MGAM2: variants seen among roughly 807,000 people sequenced by gnomAD.
MGAM2 encodes the protein probable maltase-glucoamylase 2.
A neutral mutation model predicts 96.1 loss-of-function variants in MGAM2; 98 were observed. The ratio of observed to expected loss-of-function variants is 1.02; its 90% CI spans 0.87 to 1.21. MGAM2 has a LOEUF of 1.21. Ranked by LOEUF, MGAM2 falls within the 50% of genes most tolerant of loss-of-function variation. The pLI is 0.00. For synonymous variants in MGAM2, 749 were observed against 414.8 expected, an observed-to-expected ratio of 1.81 and a Z score of -9.79; for missense variants, 2,055 against 1,182.4, an observed-to-expected ratio of 1.74 and a Z score of -10.82.
At chr7:142,182,241 G>C (rs1023016390) in intron 32 of MGAM2, among the ~76,000 whole-genome samples, 3 of 152,136 alleles carry the variant, frequency 2.0e-5, no homozygotes, top group Non-Finnish European at 2.9e-5. Context: ...CTGGCCTTAG[G>C]GTCCAGCACT....
At chr7:142,139,299 T>G (rs2129079936) in intron 10 of MGAM2, among the ~76,000 whole-genome samples, 1 of 152,306 alleles carries the variant, frequency 6.6e-6, no homozygotes, top group Non-Finnish European at 1.5e-5. Context: ...GCATAACATG[T>G]GGCTAATGAA....
chr7:142,186,098 G>T lies in MGAM2; in HGVS notation c.4097G>T (p.Ser1366Ile), dbSNP rs1279568041. The T allele has an allele frequency of 2.8e-6, 2 of 705,816 alleles. No homozygotes were observed. The highest frequency in any genetic ancestry group is 1.7e-5 in the African/African-American group (1 of 57,170). The allele number at this position is 705,816 out of a possible 1,614,324, so 43.7% of individuals were successfully genotyped here. Reference sequence around the variant, plus strand: ...GCAAACCCTCGAGAGCCAGAGAAGAGCTTGAAGTTTGATGGATTGTGGATT... The same window carrying T: ...GCAAACCCTCGAGAGCCAGAGAAGATCTTGAAGTTTGATGGATTGTGGATT... ...LYANPREPEKSLKFDGLWIDM... is the reference protein window; with the variant it reads ...LYANPREPEKILKFDGLWIDM... Residue 1366 changes from serine to isoleucine, a missense_variant, in exon 35 of 48, where the codon AGC becomes ATC. Coordinates refer to ENST00000477922, the MANE Select transcript of MGAM2 (RefSeq NM_001293626.2).
chr7:142,141,094 G>A lies in MGAM2; in HGVS notation c.1292G>A (p.Gly431Glu), dbSNP rs1224376936. The A allele has an allele frequency of 1.5e-6, 1 of 670,310 alleles. No homozygotes were observed. The highest frequency in any genetic ancestry group is 1.5e-5 in the South Asian group (1 of 64,906). The allele number at this position is 670,310 out of a possible 1,614,324, so 41.5% of individuals were successfully genotyped here. A position where few individuals can be genotyped will look rare whatever the true frequency, so the allele number is the denominator to read the frequency against. ...AGCCTAAAGAGAGTGTGGATCTTGG[G>A]GAGCAATGGCTTTGCTGTTGGGGAG... ...NGSLKRVWIL[G>E]SNGFAVGEGY... is the part of the protein sequence containing the mutation. The change falls in exon 12 of 48, where the codon GGG becomes GAG. Residue 431 changes from glycine (G) to glutamate (E), a missense_variant. Gly to Glu is a moderately conservative substitution (Grantham distance 98, BLOSUM62 -2). Transcript: ENST00000477922.
chr7:142,146,019 A>C, intron 14 of MGAM2, among the ~76,000 whole-genome samples: 1 of 151,988 alleles, frequency 6.6e-6, no homozygotes, highest in South Asian at 2.1e-4. Flanking sequence ...GGAGTAAATA[A>C]TTTTTTGGAG....
chr7:142,173,945 C>A (rs111456783), intron 31 of MGAM2, among the ~76,000 whole-genome samples: 181 of 152,262 alleles, frequency 1.2e-3, no homozygotes, highest in African/African-American at 4.2e-3. Flanking sequence ...AGTCCTTTCC[C>A]CATTGCTTGT....
In MGAM2 at chr7:142,189,488, G is replaced by C; in HGVS notation, c.4329G>C (p.Gln1443His). The part of the protein sequence containing the change: ...YNVHNLYGWS[Q>H]TRPTYEAVQE... The stretch of plus-strand genomic sequence containing the variant: ...TGCACAACCTGTACGGGTGGTCCCA[G>C]ACCAGACCCACATACGAGTGAGTGT... Residue 1443 changes from glutamine to histidine, a missense_variant, in exon 37 of 48, where the codon CAG (glutamine) becomes CAC (histidine). Coordinates refer to ENST00000477922, the MANE Select transcript of MGAM2 (RefSeq NM_001293626.2). The C allele has an allele frequency of 1.2e-6, 1 of 854,498 alleles. No individual in the cohort carries two copies. Among genetic ancestry groups the C allele is most frequent in the South Asian group, 1.5e-5 (1 of 68,444 alleles). 52.9% of individuals were successfully genotyped at this position (854,498 alleles called of 1,614,324 possible). A position where few individuals can be genotyped will look rare whatever the true frequency, so the allele number is the denominator to read the frequency against.
chr7:142,126,752 A>T (rs949816236), intron 3 of MGAM2, among the ~76,000 whole-genome samples: 2 of 152,126 alleles, frequency 1.3e-5, no homozygotes, highest in African/African-American at 4.8e-5. Context: ...TCAAAATAAG[A>T]CTTTAAGATA....
intron 4 of MGAM2, 126 bp from the exon 5 acceptor site, chr7:142,131,392 C>T: frequency 1.6e-6 from 1 of 613,640 alleles, no homozygotes. Context: ...GAGCCGAGAT[C>T]ACGTCTTGCA....
intron 47 of MGAM2, among the ~76,000 whole-genome samples, 158 bp downstream of exon 47, chr7:142,218,689 A>G (rs1287829470): frequency 2.6e-5 from 4 of 152,210 alleles, no homozygotes; most frequent in Non-Finnish European, 5.9e-5. Context: ...GAAAAGTTGC[A>G]AATGTTGAAT....
intron 15 of MGAM2, among the ~76,000 whole-genome samples, chr7:142,149,952 T>C (rs1389081757): frequency 6.6e-6 from 1 of 151,964 alleles, no homozygotes; most frequent in African/African-American, 2.4e-5. Flanking sequence ...AATTCTTTTT[T>C]TTTTTTGAGA....
chr7:142,137,646 G>T (rs1044917970), intron 9 of MGAM2, 101 bp downstream of exon 9: 31 of 464,184 alleles, frequency 6.7e-5, no homozygotes, highest in Non-Finnish European at 1.9e-5. Flanking sequence ...AAACTGTATG[G>T]ATTATAAATG....
intron 36 of MGAM2, 29 bp downstream of exon 36, chr7:142,187,863 A>G (rs1012780521): frequency 1.4e-6 from 1 of 697,746 alleles, no homozygotes; most frequent in South Asian, 1.5e-5. Context: ...TCATCAACTT[A>G]CTTTCCTACT....
rs1282880170 is a variant in MGAM2 at position 142,171,441 on chromosome 7, G to A, written c.3351+1G>A. The A allele has an allele frequency of 2.8e-6, 2 of 702,660 alleles. No individual in the cohort carries two copies. Among genetic ancestry groups the A allele is most frequent in the Non-Finnish European group, 5.2e-6 (2 of 384,760 alleles). 43.5% of individuals were successfully genotyped at this position (702,660 alleles called of 1,614,324 possible). ...GTTTGCTCATGATGAGCCACCTGCG[G>A]TAGGGACAAAGGAATAAGTTTAGCA... On this transcript the variant is annotated splice_donor_variant, in intron 28 of 47. Coordinates refer to ENST00000477922, the MANE Select transcript of MGAM2 (RefSeq NM_001293626.2). LOFTEE classifies it high-confidence loss of function.
chr7:142,157,002 G>A (rs751530531), intron 17 of MGAM2, among the ~76,000 whole-genome samples: 2 of 152,054 alleles, frequency 1.3e-5, no homozygotes, highest in East Asian at 1.9e-4. Context: ...AAAAACCATC[G>A]TCATAATTTA....
In MGAM2 at chr7:142,164,978, T is replaced by C; in HGVS notation, c.2607T>C (p.Asn869=). The C allele has an allele frequency of 1.4e-6, 1 of 702,752 alleles. No homozygotes were observed. Among genetic ancestry groups the C allele is most frequent in the Non-Finnish European group, 2.6e-6 (1 of 384,880 alleles). The allele number at this position is 702,752 out of a possible 1,614,324, so 43.5% of individuals were successfully genotyped here. Residue 869 remains asparagine, a synonymous_variant, in exon 24 of 48, where the codon AAT becomes AAC. Transcript: ENST00000477922. ...QPANFIVLLN[N]VATSSPSVVY... ...CTAATTTTATCGTCCTACTGAATAA[T>C]GTTGCCACCTCCAGTCCAAGCGTTG...
chr7:142,173,577 T>C lies in MGAM2; in HGVS notation c.3687+223T>C, dbSNP rs377671428. ...CCACAAATCTACCTTACCAAAGTAA[T>C]CAACGTTAATAATTTGCTGGTTTAT... On this transcript the variant is annotated intron_variant, in intron 31 of 47. Coordinates refer to ENST00000477922, the MANE Select transcript of MGAM2 (RefSeq NM_001293626.2). 3.9e-5 allele frequency among the ~76,000 whole-genome samples: 6 copies of C among 152,162 alleles called. No homozygotes were observed. The East Asian group carries it at 7.7e-4, about 20-fold the overall frequency.
Position 142,160,338 on chromosome 7 carries a change from T to C in MGAM2, c.2345+80T>C, listed in dbSNP as rs375416765. On this transcript the variant is annotated intron_variant, in intron 21 of 47. Coordinates refer to ENST00000477922, the MANE Select transcript of MGAM2 (RefSeq NM_001293626.2). ...GCATTATGAGAAAGACAAATAGGGA[T>C]TTTTGTGGATGAGCCAAGGGATAAG... The C allele has an allele frequency of 1.1e-3, 642 of 574,438 alleles. 9 individuals are homozygous for C. Among genetic ancestry groups the C allele is most frequent in the South Asian group, 7.8e-3 (350 of 44,676 alleles). The allele number at this position is 574,438 out of a possible 1,614,324, so 35.6% of individuals were successfully genotyped here.
At chr7:142,185,185 G>A in intron 34 of MGAM2, 46 bp downstream of exon 34, 2 of 692,330 alleles carry the variant, frequency 2.9e-6, no homozygotes, top group Non-Finnish European at 5.3e-6. Flanking sequence ...TAAACATCTG[G>A]ATATTTACAT....
intron 22 of MGAM2, among the ~76,000 whole-genome samples, chr7:142,161,752 A>G (rs1488515864): frequency 6.6e-6 from 1 of 152,240 alleles, no homozygotes; most frequent in Admixed American, 6.5e-5. Flanking sequence ...TTTACATGCC[A>G]GCGAAATGGT....
Sources: gnomAD v4.1 joint callset for allele counts (sites outside exome capture counted in the v4.1 genomes callset) on GRCh38, gnomAD v4.1.1 for gene constraint, MANE v1.5 for transcripts, NCBI Gene and HGNC (gene_info 2026-07-23, HGNC 2026-07-21) for gene names.